The following IL1RAPL1 variants were observed in gnomAD, a reference collection of about 807,000 sequenced individuals.
IL1RAPL1 encodes interleukin-1 receptor accessory protein-like 1.
In IL1RAPL1, 3 loss-of-function variants were observed where a neutral mutation model predicts 48.4. The observed-to-expected ratio is 0.06, with a 90% CI of 0.03 to 0.16. The LOEUF is 0.16. Among genes scored for constraint, IL1RAPL1 ranks in the 10% least tolerant of loss-of-function variants. The pLI is 1.00. For missense variants in IL1RAPL1, 349 were observed against 530.6 expected (o/e 0.66, Z 3.36); for synonymous variants, 185 against 187.7 (o/e 0.99, Z 0.12).
intron 2 of IL1RAPL1, among the ~76,000 whole-genome samples, chrX:29,095,143 A>G (rs1274599666): frequency 2.7e-5 from 3 of 111,082 alleles, no homozygotes; most frequent in African/African-American, 9.8e-5. Context: ...ATATGATGCT[A>G]TTTTCCATGT....
At chrX:28,605,631 G>A (rs1271578233) in intron 1 of IL1RAPL1, among the ~76,000 whole-genome samples, 1 of 112,197 alleles carries the variant, frequency 8.9e-6, no homozygotes, top group Non-Finnish European at 1.9e-5. Flanking sequence ...AGCTACGGTT[G>A]CCTTTTGAAA....
At chrX:29,935,993 G>A (rs755365245) in intron 8 of IL1RAPL1, among the ~76,000 whole-genome samples, 1 of 110,990 alleles carries the variant, frequency 9.0e-6, no homozygotes, top group East Asian at 2.8e-4. Context: ...TCCCAAAAAG[G>A]ACTTTTGCAA....
chrX:29,645,491 A>G (rs1282392901), intron 5 of IL1RAPL1, among the ~76,000 whole-genome samples: 3 of 110,489 alleles, frequency 2.7e-5, no homozygotes, highest in East Asian at 2.9e-4. Flanking sequence ...GCCTGCTACA[A>G]TGAAATCTAG....
rs769450899 is a variant in IL1RAPL1 at position 29,042,201 on chromosome X, T to C, written c.83-240737T>C. On this transcript the variant is annotated intron_variant, in intron 2 of 10. Coordinates refer to ENST00000378993, the MANE Select transcript of IL1RAPL1 (RefSeq NM_014271.4). Reference sequence around the variant, plus strand: ...GATATTCCAGATTGTTCTTATTCCATAGAGGCCCAATGAATTTGGTAACTA... The same window carrying C: ...GATATTCCAGATTGTTCTTATTCCACAGAGGCCCAATGAATTTGGTAACTA... 7.1e-5 allele frequency among the ~76,000 whole-genome samples: 8 copies of C among 112,007 alleles called. No individual in the cohort carries two copies. In the South Asian group the frequency reaches 3.0e-3, roughly 41 times the overall value.
chrX:29,487,694 A>G (rs1377510993), intron 5 of IL1RAPL1, among the ~76,000 whole-genome samples: 1 of 112,301 alleles, frequency 8.9e-6, no homozygotes, highest in African/African-American at 3.2e-5. Context: ...AGAATGCTGA[A>G]GAACACCCCG....
At chrX:29,066,370 G>A (rs1343826947) in intron 2 of IL1RAPL1, among the ~76,000 whole-genome samples, 3 of 112,405 alleles carry the variant, frequency 2.7e-5, no homozygotes, top group South Asian at 7.4e-4. Flanking sequence ...ATCTTTCCCT[G>A]ATCTCTCTGT....
intron 5 of IL1RAPL1, among the ~76,000 whole-genome samples, chrX:29,410,975 C>CA (rs946891157): frequency 9.0e-6 from 1 of 111,167 alleles, no homozygotes; most frequent in Non-Finnish European, 1.9e-5. Flanking sequence ...GACTCTTGGT[C>CA]AAAAAAATCT....
At chrX:29,754,235 C>T (rs1794569718) in intron 6 of IL1RAPL1, among the ~76,000 whole-genome samples, 1 of 111,795 alleles carries the variant, frequency 8.9e-6, no homozygotes, top group Admixed American at 9.6e-5. Context: ...AACTCAGATT[C>T]ATCCTGGATA....
chrX:29,526,591 C>T (rs768441484), intron 5 of IL1RAPL1, among the ~76,000 whole-genome samples: 2 of 111,271 alleles, frequency 1.8e-5, no homozygotes, highest in South Asian at 3.7e-4. Flanking sequence ...AGACAAAATT[C>T]GACAGCTACC....
chrX:28,859,538 G>C (rs1296556419), intron 2 of IL1RAPL1, among the ~76,000 whole-genome samples: 1 of 111,235 alleles, frequency 9.0e-6, no homozygotes, highest in East Asian at 2.8e-4. Flanking sequence ...GATTACAGGA[G>C]TGAGCCACCG....
chrX:29,091,887 G>A (rs1416163736), intron 2 of IL1RAPL1, among the ~76,000 whole-genome samples: 1 of 110,978 alleles, frequency 9.0e-6, no homozygotes, highest in Non-Finnish European at 1.9e-5. Context: ...TAAGGATTTT[G>A]TTGGGCAATA....
intron 2 of IL1RAPL1, among the ~76,000 whole-genome samples, chrX:28,924,817 A>G (rs1053949498): frequency 8.9e-6 from 1 of 112,282 alleles, no homozygotes; most frequent in Admixed American, 9.5e-5. Context: ...CATTTATACT[A>G]TTGAAATATT....
intron 2 of IL1RAPL1, among the ~76,000 whole-genome samples, chrX:28,857,163 C>T (rs1921825224): frequency 8.9e-6 from 1 of 111,833 alleles, no homozygotes; most frequent in South Asian, 3.7e-4. Context: ...GTCTGCAATT[C>T]TAAGAAGTGA....
At chrX:28,643,097 C>T (rs1934565656) in intron 1 of IL1RAPL1, among the ~76,000 whole-genome samples, 1 of 111,099 alleles carries the variant, frequency 9.0e-6, no homozygotes, top group Non-Finnish European at 1.9e-5. Flanking sequence ...CCATGTTGGC[C>T]AGGCTGGTCT....
At chrX:29,431,181 G>A (rs1002166457) in intron 5 of IL1RAPL1, among the ~76,000 whole-genome samples, 3 of 111,821 alleles carry the variant, frequency 2.7e-5, no homozygotes, top group African/African-American at 9.8e-5. Flanking sequence ...GCTGTTTGCA[G>A]CAATTTTGCA....
At chrX:29,694,323 G>T (rs1384131671) in intron 6 of IL1RAPL1, among the ~76,000 whole-genome samples, 1 of 111,677 alleles carries the variant, frequency 9.0e-6, no homozygotes, top group East Asian at 2.8e-4. Flanking sequence ...ATCCTTTATT[G>T]TTAGAGCAAG....
chrX:29,927,409 CTTTGAACCTA>C (rs1932900263), intron 8 of IL1RAPL1, among the ~76,000 whole-genome samples: 1 of 111,871 alleles, frequency 8.9e-6, no homozygotes, highest in South Asian at 3.7e-4. Context: ...TGGTCAACAC[CTTTGAACCTA>C]TTTGAACAGT....
chrX:29,658,730 A>G (rs1012335261), intron 5 of IL1RAPL1, among the ~76,000 whole-genome samples: 2 of 111,929 alleles, frequency 1.8e-5, no homozygotes, highest in South Asian at 3.7e-4. Context: ...TGTATGTGAT[A>G]TTTTGATGAA....
At chrX:29,300,286 G>A (rs1305756699) in intron 3 of IL1RAPL1, among the ~76,000 whole-genome samples, 1 of 111,355 alleles carries the variant, frequency 9.0e-6, no homozygotes, top group Non-Finnish European at 1.9e-5. Flanking sequence ...GTCTCTTGGT[G>A]GTGGACATCC....
Sources: gnomAD v4.1 joint callset for allele counts (sites outside exome capture counted in the v4.1 genomes callset) on GRCh38, gnomAD v4.1.1 for gene constraint, MANE v1.5 for transcripts, NCBI Gene and HGNC (gene_info 2026-07-23, HGNC 2026-07-21) for gene names.